NOMO1: variants seen among roughly 807,000 people sequenced by gnomAD.
NOMO1 encodes nodal modulator 3.
A neutral mutation model predicts 133.8 loss-of-function variants in NOMO1; 40 were observed. That is an observed-to-expected ratio of 0.30 (90% confidence interval 0.23 to 0.39). The LOEUF (loss-of-function observed/expected upper bound fraction) is 0.39. Among genes scored for constraint, NOMO1 ranks in the 10% least tolerant of loss-of-function variants. The pLI, the probability that NOMO1 is intolerant of heterozygous loss-of-function variation, is 1.00. For synonymous variants in NOMO1, 236 were observed against 570.5 expected, an observed-to-expected ratio of 0.41 and a Z score of 8.36; for missense variants, 462 against 1,419.9, an observed-to-expected ratio of 0.33 and a Z score of 10.84.
Position 14,859,615 on chromosome 16 carries a change from G to C in NOMO1, c.1220+1960G>C, listed in dbSNP as rs1362524313. ...GGATCGATTGAGCCCAGGAGTTTGA[G>C]ACCAGCCTGGGCAACTTGGCAAAAC... On this transcript the variant is annotated intron_variant, in intron 11 of 30. Transcript: ENST00000287667. Among the ~76,000 whole-genome samples the C allele has an allele frequency of 1.3e-5, 2 of 151,892 alleles. 1 individual carries two copies. Among genetic ancestry groups the C allele is most frequent in the African/African-American group, 4.8e-5 (2 of 41,288 alleles).
chr16:14,893,124 C>T (rs1458455710), intron 29 of NOMO1, among the ~76,000 whole-genome samples: 2 of 150,842 alleles, frequency 1.3e-5, no homozygotes, highest in Non-Finnish European at 2.9e-5. Flanking sequence ...TGAGTTTACC[C>T]AGTGAGGCCT....
At chr16:14,875,936 A>ATG (rs1461835671) in intron 20 of NOMO1, among the ~76,000 whole-genome samples, 2 of 150,472 alleles carry the variant, frequency 1.3e-5, no homozygotes, top group Non-Finnish European at 3.0e-5. Flanking sequence ...TGTGGGTGTT[A>ATG]TGTGGTTCGT....
intron 1 of NOMO1, among the ~76,000 whole-genome samples, chr16:14,835,431 C>T (rs1963491108): frequency 6.6e-6 from 1 of 150,866 alleles, no homozygotes; most frequent in African/African-American, 2.5e-5. Context: ...CAGGGCATTT[C>T]AGAAGCTGAA....
chr16:14,864,263 G>A (rs1260311995), intron 12 of NOMO1, among the ~76,000 whole-genome samples: 2 of 151,196 alleles, frequency 1.3e-5, no homozygotes, highest in Non-Finnish European at 2.9e-5. Context: ...TCCGAAGCCG[G>A]GAAAAGTGAC....
At chr16:14,869,079 C>T (rs1175098870) in intron 16 of NOMO1, among the ~76,000 whole-genome samples, 35 of 151,874 alleles carry the variant, frequency 2.3e-4, no homozygotes, top group African/African-American at 7.5e-4. Flanking sequence ...GCTGGGATTA[C>T]AGGTGCCCAC....
At chr16:14,853,793 CTT>C in intron 8 of NOMO1, 142 bp from the exon 9 acceptor site, 2 of 795,468 alleles carry the variant, frequency 2.5e-6, no homozygotes, top group Non-Finnish European at 4.2e-6. Context: ...AAGGCTTCCT[CTT>C]TTCGAATCTG....
chr16:14,845,592 C>T (rs1034395592), intron 4 of NOMO1, among the ~76,000 whole-genome samples: 1 of 151,960 alleles, frequency 6.6e-6, no homozygotes, highest in Non-Finnish European at 1.5e-5. Context: ...GATTCAGATT[C>T]TCAGGGGAGA....
intron 2 of NOMO1, among the ~76,000 whole-genome samples, chr16:14,839,496 C>G (rs961061368): frequency 6.6e-6 from 1 of 151,932 alleles, no homozygotes. Flanking sequence ...ACAAACACCT[C>G]TATACAATCC....
intron 22 of NOMO1, among the ~76,000 whole-genome samples, chr16:14,878,195 G>A (rs1381693033): frequency 2.1e-5 from 3 of 142,354 alleles, no homozygotes; most frequent in African/African-American, 2.6e-5. Context: ...ATTTGTGTGG[G>A]CATAGAAAGA....
chr16:14,837,309 G>A (rs960350542), intron 1 of NOMO1, among the ~76,000 whole-genome samples: 13 of 151,976 alleles, frequency 8.6e-5, no homozygotes, highest in South Asian at 4.2e-4. Context: ...ATGCCTGGCC[G>A]CAAACTGATT....
Position 14,842,678 on chromosome 16 carries a change from C to A in NOMO1, c.301+1271C>A, listed in dbSNP as rs1189793772. 5.3e-5 allele frequency among the ~76,000 whole-genome samples: 8 copies of A among 151,738 alleles called. No homozygotes were observed. In the South Asian group the frequency reaches 8.3e-4, roughly 16 times the overall value. ...CCAGAAGTCCCCATCCTGGGTGCTC[C>A]TTAGCCATCCCGCCCCACCCTCCAG... On this transcript the variant is annotated intron_variant, in intron 3 of 30. Transcript: ENST00000287667.
chr16:14,862,973 T>A (rs774496153), intron 11 of NOMO1, 40 bp from the exon 12 acceptor site: 1 of 1,610,212 alleles, frequency 6.2e-7, no homozygotes. Context: ...CCTGTTATAA[T>A]TGAGTCCTCG....
At chr16:14,892,478 C>T (rs1964419365) in intron 29 of NOMO1, among the ~76,000 whole-genome samples, 1 of 151,612 alleles carries the variant, frequency 6.6e-6, no homozygotes, top group Non-Finnish European at 1.5e-5. Context: ...AGCAGCCCAG[C>T]CTCGTAGCTG....
rs1401916317 is a variant in NOMO1 at position 14,864,968 on chromosome 16, C to G, written c.1538-56C>G. On this transcript the variant is annotated intron_variant, in intron 13 of 30. Transcript: ENST00000287667. The stretch of plus-strand genomic sequence containing the variant: ...CTATTACATAGGGTTAGGATTCAAA[C>G]CTGTGCTGAAGCCTTATAAGGGGTC... 6 of 1,609,882 alleles carry G rather than the reference C, an allele frequency of 3.7e-6. No homozygotes were observed. The East Asian group carries it at 1.3e-4, about 36-fold the overall frequency.
intron 5 of NOMO1, among the ~76,000 whole-genome samples, chr16:14,847,907 T>C (rs1284368707): frequency 6.6e-6 from 1 of 151,954 alleles, no homozygotes; most frequent in Non-Finnish European, 1.5e-5. Context: ...TATGAAGCTG[T>C]AATTTTTTTT....
At chr16:14,886,967 C>G in intron 28 of NOMO1, 105 bp downstream of exon 28, 1 of 1,464,794 alleles carries the variant, frequency 6.8e-7, no homozygotes, top group Non-Finnish European at 9.5e-7. Context: ...TACCACTCTG[C>G]AGAAATACGC....
chr16:14,835,708 C>T (rs1963496049), intron 1 of NOMO1, among the ~76,000 whole-genome samples: 1 of 151,812 alleles, frequency 6.6e-6, no homozygotes, highest in Non-Finnish European at 1.5e-5. Flanking sequence ...GATTACATTG[C>T]CATCCTGTGT....
At chr16:14,870,885 G>T (rs1964072002) in intron 16 of NOMO1, among the ~76,000 whole-genome samples, 1 of 147,878 alleles carries the variant, frequency 6.8e-6, no homozygotes. Flanking sequence ...GAGGTGCTCT[G>T]TCGATATTTG....
At chr16:14,856,476 G>A (rs1381898515) in intron 9 of NOMO1, among the ~76,000 whole-genome samples, 4 of 151,344 alleles carry the variant, frequency 2.6e-5, no homozygotes, top group African/African-American at 7.3e-5. Flanking sequence ...GGCTGGCACT[G>A]TCTTGGCTCA....
Sources: gnomAD v4.1 joint callset for allele counts (sites outside exome capture counted in the v4.1 genomes callset) on GRCh38, gnomAD v4.1.1 for gene constraint, MANE v1.5 for transcripts, NCBI Gene and HGNC (gene_info 2026-07-23, HGNC 2026-07-21) for gene names.